Variants in SCIN observed in about 807,000 individuals in gnomAD.
SCIN encodes scinderin, also known as adseverin.
A neutral mutation model predicts 91.8 loss-of-function variants in SCIN; 91 were observed. That is an observed-to-expected ratio of 0.99 (90% CI 0.84 to 1.18). The LOEUF (loss-of-function observed/expected upper bound fraction) is 1.18, where lower values mean the gene tolerates loss of function less well. Among genes scored for constraint, SCIN ranks in the 50% most tolerant of loss-of-function variants. SCIN has a pLI of 0.00. For missense variants in SCIN, 1,087 were observed against 863.9 expected, an observed-to-expected ratio of 1.26 and a Z score of -3.24; for synonymous variants, 367 against 312.6, an observed-to-expected ratio of 1.17 and a Z score of -1.84.
At position 12,644,133 on chromosome 7, in the gene SCIN, T is replaced by TC. The variant is rs1164644732; in HGVS notation, c.1582-3dup. ...ATCATTGTTTTATTTTTCTTCATATTCCAGGTTGATGTTGATGCAAATTCA... is the reference window on the plus strand; with the variant it reads ...ATCATTGTTTTATTTTTCTTCATATTCCCAGGTTGATGTTGATGCAAATTCA... On this transcript the variant is annotated splice_polypyrimidine_tract_variant and splice_region_variant and intron_variant, in intron 11 of 15. Transcript: ENST00000297029. 1.2e-6 allele frequency: 2 copies of TC among 1,609,502 alleles called. No homozygotes were observed. The highest frequency in any genetic ancestry group is 2.7e-5 in the African/African-American group (2 of 74,836).
chr7:12,595,414 A>C (rs559987012), intron 3 of SCIN: 1 of 137,628 alleles, frequency 7.3e-6, no homozygotes, highest in Non-Finnish European at 1.5e-5. Context: ...CTGTAGGCCT[A>C]GATAAGGATC....
chr7:12,626,559 C>G, intron 7 of SCIN, 25 bp from the exon 8 acceptor site: 1 of 1,448,942 alleles, frequency 6.9e-7, no homozygotes, highest in Non-Finnish European at 9.4e-7. Flanking sequence ...TTCCTGTTTA[C>G]TATTATTATT....
intron 9 of SCIN, among the ~76,000 whole-genome samples, chr7:12,635,245 ACTT>A (rs1413265854): frequency 2.0e-5 from 3 of 151,860 alleles, no homozygotes; most frequent in African/African-American, 7.3e-5. Flanking sequence ...TCCATTGTCT[ACTT>A]CTCATTATTA....
At chr7:12,581,334 C>G in intron 3 of SCIN, 113 bp downstream of exon 3, 1 of 1,035,010 alleles carries the variant, frequency 9.7e-7, no homozygotes. Context: ...AGAAAGGGGC[C>G]ACGTTTATGT....
intron 1 of SCIN, among the ~76,000 whole-genome samples, chr7:12,572,142 A>G (rs117382210): frequency 0.033 from 5,086 of 152,308 alleles, 135 homozygotes; most frequent in Non-Finnish European, 0.051. Flanking sequence ...CTGTCTAAAC[A>G]TTGGCAAACA....
chr7:12,592,856 T>C (rs1782755199), intron 3 of SCIN, among the ~76,000 whole-genome samples: 1 of 152,028 alleles, frequency 6.6e-6, no homozygotes, highest in African/African-American at 2.4e-5. Flanking sequence ...CACTATCAAT[T>C]AAAAAAGAGA....
At position 12,658,355 on chromosome 7, in the gene SCIN, G is replaced by C. The variant is rs890132745; in HGVS notation, c.*5640G>C. The C allele has an allele frequency of 3.9e-5, 6 of 152,174 alleles. No individual in the cohort carries two copies. Among genetic ancestry groups the C allele is most frequent in the African/African-American group, 1.4e-4 (6 of 41,432 alleles). The allele number at this position is 152,174 out of a possible 1,614,324, so 9.4% of individuals were successfully genotyped here. On this transcript the variant is annotated 3_prime_UTR_variant, in exon 16 of 16. Transcript: ENST00000297029. ...AGCAGGGCCCTTAACTCCTTAGAAA[G>C]GTCAAAGGAAGAGGTGAATGTGGGC...
chr7:12,630,274 G>A (rs549211662), intron 9 of SCIN, among the ~76,000 whole-genome samples: 1 of 152,108 alleles, frequency 6.6e-6, no homozygotes, highest in Non-Finnish European at 1.5e-5. Flanking sequence ...TCACCTGGGA[G>A]CTTCTTAGAT....
intron 9 of SCIN, among the ~76,000 whole-genome samples, chr7:12,632,985 A>G (rs1315502127): frequency 6.6e-6 from 1 of 152,178 alleles, no homozygotes; most frequent in Non-Finnish European, 1.5e-5. Flanking sequence ...TGAAGTATGT[A>G]AGTTTGTTAG....
chr7:12,622,765 T>G (rs1412935855), intron 4 of SCIN, 36 bp from the exon 5 acceptor site: 2 of 1,384,188 alleles, frequency 1.4e-6, no homozygotes, highest in Non-Finnish European at 2.1e-6. Context: ...CAATGGGAGA[T>G]CTTTATCTTT....
At position 12,578,909 on chromosome 7, in the gene SCIN, G is replaced by GTTTTTTT; in HGVS notation, c.354+700_354+706dup. 1.5e-4 allele frequency among the ~76,000 whole-genome samples: 13 copies of GTTTTTTT among 85,904 alleles called. 2 individuals are homozygous for GTTTTTTT. The highest frequency in any genetic ancestry group is 4.5e-4 in the South Asian group (1 of 2,240). The allele number at this position is 85,904 out of a possible 152,430, so 56.4% of individuals were successfully genotyped here. A position where few individuals can be genotyped will look rare whatever the true frequency, so the allele number is the denominator to read the frequency against. On this transcript the variant is annotated intron_variant, in intron 2 of 15. Coordinates refer to ENST00000297029, the MANE Select transcript of SCIN (RefSeq NM_001112706.3). ...TAAGGCAGCCTTCAGTATAGGACAG[G>GTTTTTTT]TTTTTTTTTTTTTTTGGCATCCTCC...
chr7:12,602,220 G>A (rs1209869648), intron 3 of SCIN, among the ~76,000 whole-genome samples: 1 of 152,184 alleles, frequency 6.6e-6, no homozygotes, highest in Non-Finnish European at 1.5e-5. Flanking sequence ...GAGCCTTAAA[G>A]CCAGCAAGTT....
chr7:12,581,630 G>T (rs1248900047), intron 3 of SCIN, among the ~76,000 whole-genome samples: 2 of 152,054 alleles, frequency 1.3e-5, no homozygotes, highest in Non-Finnish European at 2.9e-5. Context: ...GCCACCTAAA[G>T]AATTTTAAAG....
chr7:12,634,251 C>A (rs1010973832), intron 9 of SCIN, among the ~76,000 whole-genome samples: 1 of 151,840 alleles, frequency 6.6e-6, no homozygotes, highest in Non-Finnish European at 1.5e-5. Context: ...TTTGGGAGGC[C>A]GAGGCAGGTG....
chr7:12,586,043 C>T (rs761945261), intron 3 of SCIN, among the ~76,000 whole-genome samples: 2 of 152,208 alleles, frequency 1.3e-5, no homozygotes, highest in African/African-American at 2.4e-5. Context: ...AGACTTGCTT[C>T]TCAGCCTTTT....
chr7:12,623,059 TAA>T (rs1329617382), intron 5 of SCIN, among the ~76,000 whole-genome samples, 166 bp downstream of exon 5: 1 of 152,180 alleles, frequency 6.6e-6, no homozygotes, highest in African/African-American at 2.4e-5. Context: ...TTTTTTTAAT[TAA>T]GTTTTAATAC....
intron 11 of SCIN, among the ~76,000 whole-genome samples, 197 bp downstream of exon 11, chr7:12,640,714 C>T (rs923617290): frequency 2.0e-5 from 3 of 152,182 alleles, no homozygotes; most frequent in African/African-American, 4.8e-5. Flanking sequence ...CCAGGCCTTT[C>T]GCAATTTTCA....
In SCIN at chr7:12,644,735, G is replaced by T. The variant is rs1202757910; in HGVS notation, c.1881+30G>T. 3.9e-6 allele frequency: 6 copies of T among 1,545,336 alleles called. No homozygotes were observed. The East Asian group carries it at 9.8e-5, about 25-fold the overall frequency. ...GTGTCCTTAAAAATAGTGCGATAGG[G>T]CTGGTTGCGGTGGCTCATGCCTGTA... On this transcript the variant is annotated intron_variant, in intron 13 of 15. Coordinates refer to ENST00000297029, the MANE Select transcript of SCIN (RefSeq NM_001112706.3).
chr7:12,616,610 A>G (rs1220494704), intron 4 of SCIN, among the ~76,000 whole-genome samples: 1 of 152,128 alleles, frequency 6.6e-6, no homozygotes, highest in African/African-American at 2.4e-5. Flanking sequence ...ATCAAAGCTA[A>G]CCTGTTAACC....
Sources: gnomAD v4.1 joint callset for allele counts (sites outside exome capture counted in the v4.1 genomes callset) on GRCh38, gnomAD v4.1.1 for gene constraint, MANE v1.5 for transcripts, NCBI Gene and HGNC (gene_info 2026-07-23, HGNC 2026-07-21) for gene names.